The following LIN52 variants were observed in gnomAD, a reference collection of about 807,000 sequenced individuals.
LIN52 encodes protein lin-52 homolog.
In LIN52, 4 loss-of-function variants were observed where a neutral mutation model predicts 18.5. The observed-to-expected ratio is 0.22, with a 90% confidence interval of 0.11 to 0.49. The LOEUF (loss-of-function observed/expected upper bound fraction) is 0.49. LIN52 is among the 20% of genes least tolerant of loss of function. The pLI is 0.97. For synonymous variants in LIN52, 34 were observed against 45.5 expected (o/e 0.75, Z 1.02); for missense variants, 102 against 139.5 (o/e 0.73, Z 1.35).
chr14:74,132,461 G>A (rs116679587), intron 5 of LIN52, among the ~76,000 whole-genome samples: 2,408 of 152,246 alleles, frequency 0.016, 63 homozygotes, highest in African/African-American at 0.054. Context: ...TGCTTATTGG[G>A]TGAATAGAAT....
At chr14:74,128,332 GAA>G (rs1435938288) in intron 5 of LIN52, among the ~76,000 whole-genome samples, 3 of 152,150 alleles carry the variant, frequency 2.0e-5, no homozygotes, top group African/African-American at 7.2e-5. Context: ...CACAGAGAAA[GAA>G]GAGAGATCCA....
chr14:74,093,254 C>T (rs983821117), intron 2 of LIN52, among the ~76,000 whole-genome samples: 3 of 151,052 alleles, frequency 2.0e-5, no homozygotes, highest in African/African-American at 7.3e-5. Flanking sequence ...GCCCCCAAAA[C>T]TACATTTATA....
At chr14:74,103,455 G>A (rs1001012711) in intron 5 of LIN52, among the ~76,000 whole-genome samples, 4 of 135,580 alleles carry the variant, frequency 3.0e-5, no homozygotes, top group East Asian at 4.6e-4. Context: ...TTTTTGAGAT[G>A]GAGTTTTGCT....
At chr14:74,153,873 A>C (rs4903193) in intron 5 of LIN52, among the ~76,000 whole-genome samples, 118,035 of 152,134 alleles carry the variant, frequency 0.78, 46,107 homozygotes, top group Admixed American at 0.81. Flanking sequence ...TCTATCTTCT[A>C]TTGTAAAAAC....
At chr14:74,132,834 A>G (rs1211758163) in intron 5 of LIN52, among the ~76,000 whole-genome samples, 2 of 152,180 alleles carry the variant, frequency 1.3e-5, no homozygotes, top group African/African-American at 4.8e-5. Context: ...TGGTAGTGAT[A>G]GTCTGTGTTG....
chr14:74,097,922 T>C (rs980249276), intron 4 of LIN52, 62 bp downstream of exon 4: 32 of 1,252,944 alleles, frequency 2.6e-5, no homozygotes, highest in Non-Finnish European at 3.7e-5. Flanking sequence ...ACCACCTCTC[T>C]ATTTTTTTTT....
intron 5 of LIN52, among the ~76,000 whole-genome samples, chr14:74,105,552 T>C (rs1174820630): frequency 6.6e-6 from 1 of 150,912 alleles, no homozygotes; most frequent in East Asian, 2.0e-4. Flanking sequence ...TTTTATTGTG[T>C]GTAGTGTATT....
chr14:74,101,326 C>CAGGGTGGAATA, intron 5 of LIN52, 88 bp downstream of exon 5: 1 of 806,138 alleles, frequency 1.2e-6, no homozygotes, highest in Non-Finnish European at 1.9e-6. Flanking sequence ...ACCCTGAGCT[C>CAGGGTGGAATA]CAGTTATAAT....
At chr14:74,149,264 C>T (rs933335789) in intron 5 of LIN52, among the ~76,000 whole-genome samples, 3 of 152,104 alleles carry the variant, frequency 2.0e-5, no homozygotes, top group African/African-American at 7.2e-5. Flanking sequence ...GACCCAGGGC[C>T]GTGCAGTGTT....
chr14:74,197,810 C>G (rs1158205048), intron 5 of LIN52, among the ~76,000 whole-genome samples: 2 of 152,220 alleles, frequency 1.3e-5, no homozygotes, highest in Non-Finnish European at 2.9e-5. Context: ...AAACAAGAAA[C>G]TGTTAAACTT....
At chr14:74,135,593 T>TA (rs781769875) in intron 5 of LIN52, among the ~76,000 whole-genome samples, 1 of 152,254 alleles carries the variant, frequency 6.6e-6, no homozygotes, top group Non-Finnish European at 1.5e-5. Flanking sequence ...GGTGATGTGA[T>TA]ACAAAATTGT....
At chr14:74,124,824 A>AAAAAG in intron 5 of LIN52, among the ~76,000 whole-genome samples, 1 of 151,222 alleles carries the variant, frequency 6.6e-6, no homozygotes, top group East Asian at 1.9e-4. Context: ...AAAAAAAAAA[A>AAAAAG]AAAAAAAAAG....
intron 5 of LIN52, among the ~76,000 whole-genome samples, chr14:74,138,507 T>C (rs2061110637): frequency 6.6e-6 from 1 of 152,136 alleles, no homozygotes; most frequent in African/African-American, 2.4e-5. Context: ...TGTTAAAGCA[T>C]CTTTGAAGGC....
At chr14:74,161,146 T>C (rs1047338381) in intron 5 of LIN52, among the ~76,000 whole-genome samples, 3 of 152,186 alleles carry the variant, frequency 2.0e-5, no homozygotes, top group Non-Finnish European at 4.4e-5. Context: ...GGTAATCATA[T>C]TAGCCAAGAA....
rs572396834 is a variant in LIN52, at chr14:74,192,505, C to T, written c.284-6417C>T. ...TTCACCATGTTGGCCAGGCTGGTCT[C>T]GAACTCCTGACCCCTCAGGTAGTCC... On this transcript the variant is annotated intron_variant, in intron 5 of 5. Coordinates refer to ENST00000555028, the MANE Select transcript of LIN52 (RefSeq NM_001024674.3). 12 of 162,168 alleles carry T rather than the reference C, an allele frequency of 7.4e-5. No homozygotes were observed. The East Asian group carries it at 2.2e-3, about 30-fold the overall frequency. The allele number at this position is 162,168 out of a possible 1,614,324, so 10.0% of individuals were successfully genotyped here. A position where few individuals can be genotyped will look rare whatever the true frequency, so the allele number is the denominator to read the frequency against.
chr14:74,105,528 A>ACAGT (rs1231962928), intron 5 of LIN52, among the ~76,000 whole-genome samples: 1 of 152,200 alleles, frequency 6.6e-6, no homozygotes, highest in Non-Finnish European at 1.5e-5. Flanking sequence ...CTTCTTACAT[A>ACAGT]CAGTCTCTCT....
At chr14:74,129,720 C>T (rs549605055) in intron 5 of LIN52, among the ~76,000 whole-genome samples, 2 of 152,258 alleles carry the variant, frequency 1.3e-5, no homozygotes, top group South Asian at 4.1e-4. Flanking sequence ...TGGTGACACA[C>T]ACCTGTAGTC....
At chr14:74,088,635 A>C (rs1325945731) in intron 1 of LIN52, among the ~76,000 whole-genome samples, 1 of 152,262 alleles carries the variant, frequency 6.6e-6, no homozygotes, top group Non-Finnish European at 1.5e-5. Flanking sequence ...CTTTACAATT[A>C]AAATGCCATT....
At position 74,106,892 on chromosome 14, in the gene LIN52, C is replaced by T. The variant is rs191071603; in HGVS notation, c.283+5654C>T. Among the ~76,000 whole-genome samples the T allele has an allele frequency of 1.3e-3, 203 of 152,316 alleles. 1 individual carries two copies. The highest frequency in any genetic ancestry group is 2.2e-3 in the Non-Finnish European group (148 of 68,030). ...AGGTGTGAGCCACCACGCCCGGCCC[C>T]GGCCTGATTTTTTGAAGTACATTTT... is the stretch of plus-strand genomic sequence containing the variant. On this transcript the variant is annotated intron_variant, in intron 5 of 5. Transcript: ENST00000555028.
Sources: gnomAD v4.1 joint callset for allele counts (sites outside exome capture counted in the v4.1 genomes callset) on GRCh38, gnomAD v4.1.1 for gene constraint, MANE v1.5 for transcripts, NCBI Gene and HGNC (gene_info 2026-07-23, HGNC 2026-07-21) for gene names.